TENM3: variants seen among roughly 807,000 people sequenced by gnomAD.
TENM3 encodes teneurin transmembrane protein 3, also known as teneurin-3.
A neutral mutation model predicts 255.1 loss-of-function variants in TENM3; 63 were observed. That is an observed-to-expected ratio of 0.25 (90% CI 0.20 to 0.30). The LOEUF (loss-of-function observed/expected upper bound fraction) is 0.30, where lower values mean the gene tolerates loss of function less well. TENM3 is among the 10% of genes least tolerant of loss of function. The probability of loss-of-function intolerance (pLI) is 1.00; values close to 1 mark genes in which losing one functional copy is unlikely to be tolerated. For synonymous variants in TENM3, 1,306 were observed against 1,322.3 expected (o/e 0.99, Z 0.27); for missense variants, 2,929 against 3,461.1 (o/e 0.85, Z 3.86).
At chr4:182,309,360 A>G (rs1451796279) in intron 1 of TENM3, among the ~76,000 whole-genome samples, 1 of 152,184 alleles carries the variant, frequency 6.6e-6, no homozygotes, top group African/African-American at 2.4e-5. Flanking sequence ...TGTTTATTAT[A>G]GTAATTTTGC....
the TENM3 span, among the ~76,000 whole-genome samples, chr4:181,781,148 A>G: frequency 6.6e-6 from 1 of 152,134 alleles, no homozygotes; most frequent in Non-Finnish European, 1.5e-5. Context: ...GTTTTTTCCA[A>G]TTCCGTAAAG....
the TENM3 span, among the ~76,000 whole-genome samples, chr4:181,772,258 A>T: frequency 6.6e-6 from 1 of 152,036 alleles, no homozygotes; most frequent in Admixed American, 6.6e-5. Context: ...TGCGCCTGTA[A>T]TCCCAGCTAC....
chr4:182,447,943 G>A (rs1773063737), intron 3 of TENM3, among the ~76,000 whole-genome samples: 1 of 152,096 alleles, frequency 6.6e-6, no homozygotes, highest in Non-Finnish European at 1.5e-5. Flanking sequence ...TAGTGGATCT[G>A]GAGGGGAAAA....
the TENM3 span, among the ~76,000 whole-genome samples, chr4:181,670,892 C>T: frequency 1.3e-5 from 2 of 152,066 alleles, no homozygotes; most frequent in African/African-American, 4.8e-5. Context: ...CAGAAAAAAG[C>T]CAGCATTGCA....
intron 1 of TENM3, among the ~76,000 whole-genome samples, chr4:182,295,284 T>C (rs112243248): frequency 7.1e-6 from 1 of 140,020 alleles, no homozygotes; most frequent in African/African-American, 2.8e-5. Flanking sequence ...TTTTTTTTTT[T>C]TGAGACGGAG....
At chr4:181,764,214 A>G in the TENM3 span, among the ~76,000 whole-genome samples, 1 of 148,388 alleles carries the variant, frequency 6.7e-6, no homozygotes, top group East Asian at 2.0e-4. Context: ...TAAATGTCCT[A>G]ATAATTATAA....
At chr4:181,574,130 T>TATCAGAG in the TENM3 span, among the ~76,000 whole-genome samples, 1 of 152,210 alleles carries the variant, frequency 6.6e-6, no homozygotes, top group African/African-American at 2.4e-5. Flanking sequence ...GATAACTGCT[T>TATCAGAG]TTATGTTTCT....
At chr4:182,493,555 C>CG (rs1735494357) in intron 3 of TENM3, among the ~76,000 whole-genome samples, 1 of 152,022 alleles carries the variant, frequency 6.6e-6, no homozygotes, top group Admixed American at 6.6e-5. Flanking sequence ...TAAGGCTTTA[C>CG]GGCACTCATA....
chr4:181,637,598 A>G, the TENM3 span, among the ~76,000 whole-genome samples: 1 of 152,166 alleles, frequency 6.6e-6, no homozygotes, highest in African/African-American at 2.4e-5. Context: ...TTGGTGGAAC[A>G]CTGACAAGGC....
intron 1 of TENM3, among the ~76,000 whole-genome samples, chr4:182,311,447 T>G (rs766685661): frequency 3.3e-5 from 5 of 152,186 alleles, no homozygotes; most frequent in African/African-American, 7.2e-5. Context: ...TTTTATCTCT[T>G]AAATCTCCTC....
the TENM3 span, among the ~76,000 whole-genome samples, chr4:181,598,408 G>C: frequency 5.3e-5 from 8 of 152,034 alleles, no homozygotes; most frequent in Non-Finnish European, 1.0e-4. Flanking sequence ...CATTGGATTT[G>C]GGGTGATAAT....
At chr4:181,548,254 G>A in the TENM3 span, among the ~76,000 whole-genome samples, 7 of 152,052 alleles carry the variant, frequency 4.6e-5, no homozygotes, top group South Asian at 2.1e-4. Context: ...TCAGTGTGGC[G>A]ATCCCTCAGG....
chr4:181,505,700 A>G, the TENM3 span, among the ~76,000 whole-genome samples: 319 of 152,320 alleles, frequency 2.1e-3, 9 homozygotes, highest in South Asian at 0.043. Flanking sequence ...AGCTCTCTAA[A>G]TTTAATGATC....
At chr4:182,221,900 T>A (rs892750179) in intron 1 of TENM3, among the ~76,000 whole-genome samples, 1 of 152,378 alleles carries the variant, frequency 6.6e-6, no homozygotes, top group Non-Finnish European at 1.5e-5. Flanking sequence ...CAGTTCTTTA[T>A]GCTTTTTGGG....
At chr4:181,911,766 A>T in the TENM3 span, among the ~76,000 whole-genome samples, 1 of 152,244 alleles carries the variant, frequency 6.6e-6, no homozygotes, top group Non-Finnish European at 1.5e-5. Context: ...TATTAGACAC[A>T]GATGTTCTTA....
At chr4:181,723,017 C>T in the TENM3 span, among the ~76,000 whole-genome samples, 5 of 152,134 alleles carry the variant, frequency 3.3e-5, no homozygotes, top group African/African-American at 7.2e-5. Context: ...CCTACCTCCT[C>T]GCTCAGGACT....
intron 3 of TENM3, among the ~76,000 whole-genome samples, chr4:182,456,203 G>GC (rs1165849338): frequency 6.6e-6 from 1 of 152,180 alleles, no homozygotes; most frequent in African/African-American, 2.4e-5. Flanking sequence ...AGCTGATAAG[G>GC]CTGAGTATCC....
chr4:182,126,474 T>A, the TENM3 span, among the ~76,000 whole-genome samples: 1 of 152,184 alleles, frequency 6.6e-6, no homozygotes, highest in African/African-American at 2.4e-5. Flanking sequence ...TGAAGAATGC[T>A]CTGGCTTGGG....
intron 3 of TENM3, among the ~76,000 whole-genome samples, chr4:182,579,604 G>T (rs1241482358): frequency 6.6e-6 from 1 of 152,154 alleles, no homozygotes; most frequent in Non-Finnish European, 1.5e-5. Flanking sequence ...ACATAGGGAA[G>T]AGAGAAATAT....
Sources: gnomAD v4.1 joint callset for allele counts (sites outside exome capture counted in the v4.1 genomes callset) on GRCh38, gnomAD v4.1.1 for gene constraint, MANE v1.5 for transcripts, NCBI Gene and HGNC (gene_info 2026-07-23, HGNC 2026-07-21) for gene names.